Variants in CELF2 observed in about 807,000 individuals in gnomAD.
CELF2 encodes the protein CUGBP Elav-like family member 2, also known as CUG triplet repeat RNA-binding protein 2.
A neutral mutation model predicts 62.6 loss-of-function variants in CELF2; 8 were observed. The ratio of observed to expected loss-of-function variants is 0.13; its 90% confidence interval spans 0.07 to 0.23. CELF2 has a LOEUF of 0.23. Ranked by LOEUF, CELF2 falls within the 10% of genes least tolerant of loss-of-function variation. The pLI is 1.00. For missense variants in CELF2, 333 were observed against 671.0 expected, an observed-to-expected ratio of 0.50 and a Z score of 5.56; for synonymous variants, 258 against 250.0, an observed-to-expected ratio of 1.03 and a Z score of -0.30.
At chr10:10,748,994 T>A in the CELF2 span, among the ~76,000 whole-genome samples, 16 of 152,282 alleles carry the variant, frequency 1.1e-4, no homozygotes, top group African/African-American at 3.4e-4. Context: ...CAAACCAGTA[T>A]GAATTGTTCA....
the CELF2 span, among the ~76,000 whole-genome samples, chr10:10,561,018 C>A: frequency 1.6e-5 from 2 of 121,938 alleles, no homozygotes; most frequent in African/African-American, 6.5e-5. Context: ...ACTTAGGGGG[C>A]AAGAGTGGGA....
the CELF2 span, among the ~76,000 whole-genome samples, chr10:10,768,145 A>G: frequency 5.3e-5 from 8 of 150,912 alleles, no homozygotes; most frequent in African/African-American, 1.5e-4. Context: ...CATCCTGGGC[A>G]ACAGAGCAAG....
intron 1 of CELF2, among the ~76,000 whole-genome samples, chr10:10,880,061 C>A (rs2061352942): frequency 1.3e-5 from 2 of 152,158 alleles, no homozygotes; most frequent in Admixed American, 6.5e-5. Context: ...TAATGGGAAT[C>A]AGGAAGGGTA....
the CELF2 span, among the ~76,000 whole-genome samples, chr10:10,705,706 G>C: frequency 6.6e-6 from 1 of 152,172 alleles, no homozygotes; most frequent in Non-Finnish European, 1.5e-5. Context: ...ATGGAGTCCA[G>C]ATTCTTTATA....
At chr10:11,113,052 G>A (rs1179357864) in intron 1 of CELF2, among the ~76,000 whole-genome samples, 4 of 152,232 alleles carry the variant, frequency 2.6e-5, no homozygotes, top group Non-Finnish European at 5.9e-5. Context: ...CGAAGCTTGT[G>A]TCCTGACTTC....
chr10:11,047,513 T>C (rs2139843953), intron 1 of CELF2, among the ~76,000 whole-genome samples: 1 of 152,308 alleles, frequency 6.6e-6, no homozygotes, highest in African/African-American at 2.4e-5. Flanking sequence ...CATCTTCTGA[T>C]GCTGCTGTTC....
Position 10,936,540 on chromosome 10 carries a change from G to C in CELF2, c.89+16541G>C, listed in dbSNP as rs79649709. 6.3e-3 allele frequency: 957 copies of C among 152,336 alleles called. 4 individuals are homozygous for C. The highest frequency in any genetic ancestry group is 0.01 in the Non-Finnish European group (697 of 68,056). 9.4% of individuals were successfully genotyped at this position (152,336 alleles called of 1,614,324 possible). ...GACAAGCTAACATTTTCTTGGGGTG[G>C]ATGGAGTCCAGTTATCATTGCAGGG... On this transcript the variant is annotated intron_variant, in intron 2 of 13. Coordinates refer to the CELF2 transcript ENST00000636488. The surrounding 1 kb of genome is among the most constrained non-coding windows in gnomAD (Gnocchi z 4.0).
the CELF2 span, among the ~76,000 whole-genome samples, chr10:10,632,331 G>A: frequency 2.0e-5 from 3 of 152,190 alleles, no homozygotes; most frequent in Non-Finnish European, 4.4e-5. Flanking sequence ...CTTGAGTCAC[G>A]CAGTGATTCC....
chr10:10,921,667 A>C (rs1453451828), intron 2 of CELF2, among the ~76,000 whole-genome samples: 1 of 152,120 alleles, frequency 6.6e-6, no homozygotes, highest in East Asian at 1.9e-4. Flanking sequence ...AGAAGGCAAG[A>C]GGGCACGGGA....
intron 1 of CELF2, among the ~76,000 whole-genome samples, chr10:10,838,790 T>C (rs1371438559): frequency 2.2e-4 from 34 of 152,188 alleles, no homozygotes; most frequent in Non-Finnish European, 7.3e-5. Context: ...ACATCTTGTA[T>C]TTTTCTTTCC....
intron 2 of CELF2, among the ~76,000 whole-genome samples, chr10:11,194,342 G>T (rs2056844310): frequency 6.6e-6 from 1 of 152,150 alleles, no homozygotes; most frequent in Non-Finnish European, 1.5e-5. Flanking sequence ...GGGATTACAG[G>T]TGTGAGCCAC....
At chr10:11,229,279 A>G (rs1407910412) in intron 3 of CELF2, among the ~76,000 whole-genome samples, 1 of 152,236 alleles carries the variant, frequency 6.6e-6, no homozygotes, top group Non-Finnish European at 1.5e-5. Context: ...GTAGCATTTC[A>G]TTCCATGACT....
At chr10:10,764,943 T>C in the CELF2 span, among the ~76,000 whole-genome samples, 1 of 152,076 alleles carries the variant, frequency 6.6e-6, no homozygotes, top group Non-Finnish European at 1.5e-5. Context: ...AGATAAAAGC[T>C]CATGTGCAGT....
At chr10:11,093,128 TCTC>T (rs2048785247) in intron 1 of CELF2, among the ~76,000 whole-genome samples, 1 of 152,206 alleles carries the variant, frequency 6.6e-6, no homozygotes, top group South Asian at 2.1e-4. Context: ...CTTGTAATTG[TCTC>T]CTCTAGCTTT....
intron 1 of CELF2, among the ~76,000 whole-genome samples, chr10:10,864,154 A>G (rs1340031235): frequency 6.6e-6 from 1 of 152,236 alleles, no homozygotes; most frequent in Non-Finnish European, 1.5e-5. Flanking sequence ...ACATATACGT[A>G]CATACACACA....
the CELF2 span, among the ~76,000 whole-genome samples, chr10:10,712,842 T>G: frequency 6.6e-6 from 1 of 152,228 alleles, no homozygotes; most frequent in Non-Finnish European, 1.5e-5. Flanking sequence ...TACATCCTAG[T>G]GCACACCACT....
chr10:10,508,022 C>T, the CELF2 span, among the ~76,000 whole-genome samples: 1 of 152,124 alleles, frequency 6.6e-6, no homozygotes, highest in East Asian at 1.9e-4. Context: ...CTGTGTGCTA[C>T]ATAAGGTACC....
At chr10:11,322,912 T>A (rs1460082946) in intron 11 of CELF2, among the ~76,000 whole-genome samples, 2 of 152,076 alleles carry the variant, frequency 1.3e-5, no homozygotes, top group East Asian at 3.9e-4. Context: ...AGTACCATGG[T>A]GACAAATGAG....
At chr10:11,146,367 A>G (rs1243940966) in intron 1 of CELF2, among the ~76,000 whole-genome samples, 1 of 152,260 alleles carries the variant, frequency 6.6e-6, no homozygotes, top group Non-Finnish European at 1.5e-5. Flanking sequence ...ATATATCTGT[A>G]TCTCTACACG....
Sources: allele counts gnomAD v4.1 joint callset (sites outside exome capture counted in the v4.1 genomes callset), GRCh38; gene constraint gnomAD v4.1.1; non-coding constraint Gnocchi (gnomAD v3.1); transcripts MANE v1.5; gene names NCBI Gene and HGNC (gene_info 2026-07-23, HGNC 2026-07-21).